GSTA2: variants seen among roughly 807,000 people sequenced by gnomAD.
GSTA2 encodes the protein glutathione S-transferase alpha 2.
Under a neutral mutation model 22.4 loss-of-function variants are expected in GSTA2, and 27 were observed. The ratio of observed to expected loss-of-function variants is 1.21; its 90% CI spans 0.89 to 1.67. The LOEUF (loss-of-function observed/expected upper bound fraction) is 1.67. GSTA2 is among the 40% of genes most tolerant of loss of function. GSTA2 has a pLI of 0.00. For synonymous variants in GSTA2, 121 were observed against 86.8 expected, an observed-to-expected ratio of 1.39 and a Z score of -2.19; for missense variants, 302 against 260.2, an observed-to-expected ratio of 1.16 and a Z score of -1.11.
intron 6 of GSTA2, among the ~76,000 whole-genome samples, chr6:52,750,984 GA>G (rs1762725540): frequency 6.6e-6 from 1 of 152,134 alleles, no homozygotes; most frequent in Admixed American, 6.5e-5. Context: ...TATAAGACAA[GA>G]AAAACTAATG....
Position 52,756,386 on chromosome 6 carries a change from G to T in GSTA2, c.88-77C>A. 4 of 1,133,664 alleles carry T rather than the reference G, an allele frequency of 3.5e-6. No individual in the cohort carries two copies. The South Asian group carries it at 3.7e-5, about 11-fold the overall frequency. The allele number at this position is 1,133,664 out of a possible 1,614,324, so 70.2% of individuals were successfully genotyped here. ...CTGTGAAATTGAATGGCCTCTATCT[G>T]GTGCATCATTTGGAGAATATAAGAT... On this transcript the variant is annotated intron_variant, in intron 2 of 6. Coordinates refer to ENST00000493422, the MANE Select transcript of GSTA2 (RefSeq NM_000846.5).
chr6:52,756,182 A>C (rs1402185475), intron 3 of GSTA2, 76 bp downstream of exon 3: 1 of 964,686 alleles, frequency 1.0e-6, no homozygotes, highest in African/African-American at 1.6e-5. Context: ...ACCCATAGAC[A>C]TTGCCGGCTG....
intron 5 of GSTA2, among the ~76,000 whole-genome samples, chr6:52,752,597 C>A (rs1362574691): frequency 6.6e-6 from 1 of 152,148 alleles, no homozygotes; most frequent in Non-Finnish European, 1.5e-5. Context: ...CTTATGAACA[C>A]AAAATTCTGT....
In GSTA2 at chr6:52,755,091, A is replaced by C. The variant is rs906400328; in HGVS notation, c.140-16T>G. On this transcript the variant is annotated splice_polypyrimidine_tract_variant and intron_variant, in intron 3 of 6. Transcript: ENST00000493422. Reference sequence around the variant, plus strand: ...AAATATCCATCTTTAAGAGGAAGAAAAAAAAGGAGAGTGAAGTGTCTATGA... The same window carrying C: ...AAATATCCATCTTTAAGAGGAAGAACAAAAAGGAGAGTGAAGTGTCTATGA... The C allele has an allele frequency of 1.2e-6, 2 of 1,614,058 alleles. No individual in the cohort carries two copies. The highest frequency in any genetic ancestry group is 1.7e-6 in the Non-Finnish European group (2 of 1,179,980).
At chr6:52,760,330 C>T (rs1275589943) in intron 1 of GSTA2, among the ~76,000 whole-genome samples, 5 of 152,136 alleles carry the variant, frequency 3.3e-5, no homozygotes, top group Non-Finnish European at 5.9e-5. Context: ...ATATCACTTC[C>T]TCAATGTGAG....
chr6:52,751,487 G>A (rs574177857), intron 6 of GSTA2, 90 bp downstream of exon 6: 1,005 of 1,603,658 alleles, frequency 6.3e-4, no homozygotes, highest in Admixed American at 8.7e-4. Flanking sequence ...GAAGGCTGGG[G>A]TCAAAACATG....
At chr6:52,757,554 C>T (rs959917672) in intron 2 of GSTA2, among the ~76,000 whole-genome samples, 7 of 152,018 alleles carry the variant, frequency 4.6e-5, no homozygotes, top group African/African-American at 1.7e-4. Context: ...AATATTCAAT[C>T]GATATTTGTG....
chr6:52,754,749 A>T (rs73740527), intron 4 of GSTA2, among the ~76,000 whole-genome samples, 194 bp downstream of exon 4: 2,717 of 151,792 alleles, frequency 0.018, 91 homozygotes, highest in African/African-American at 0.061. Flanking sequence ...TTCTAGAATC[A>T]CCCTCGCCTG....
Position 52,751,604 on chromosome 6 carries a change from G to A in GSTA2, c.519C>T (p.Ser173=), listed in dbSNP as rs1393603273. The A allele has an allele frequency of 2.5e-6, 4 of 1,614,108 alleles. No individual in the cohort carries two copies. The highest frequency in any genetic ancestry group is 3.4e-6 in the Non-Finnish European group (4 of 1,179,996). ...TCAGCAGAGGGAAGCTGGAAATAAG[G>A]CTAGAGTCAAGCTCTTCCACGTAGT... ...LLYYVEELDS[S]LISSFPLLKA... The change falls in exon 6 of 7, where the codon AGC becomes AGT. Residue 173 remains serine, a synonymous_variant. Coordinates refer to ENST00000493422, the MANE Select transcript of GSTA2 (RefSeq NM_000846.5).
At chr6:52,751,393 C>T (rs558005521) in intron 6 of GSTA2, among the ~76,000 whole-genome samples, 184 bp downstream of exon 6, 1 of 152,260 alleles carries the variant, frequency 6.6e-6, no homozygotes, top group South Asian at 2.1e-4. Flanking sequence ...TACAAATTTC[C>T]TTTCCATAAC....
chr6:52,762,537 C>G (rs1326160626), intron 1 of GSTA2, among the ~76,000 whole-genome samples: 1 of 152,184 alleles, frequency 6.6e-6, no homozygotes, highest in Non-Finnish European at 1.5e-5. Context: ...AGTTTGTTCA[C>G]GTTTTCCTGC....
intron 3 of GSTA2, among the ~76,000 whole-genome samples, chr6:52,755,288 C>T (rs1383477120): frequency 6.7e-6 from 1 of 148,492 alleles, no homozygotes; most frequent in Non-Finnish European, 1.5e-5. Flanking sequence ...GATCTTGGCT[C>T]ACTGTAACCT....
intron 1 of GSTA2, among the ~76,000 whole-genome samples, chr6:52,758,544 A>G (rs763670250): frequency 2.0e-5 from 3 of 152,200 alleles, no homozygotes; most frequent in African/African-American, 4.8e-5. Flanking sequence ...TGAACTGGCC[A>G]TGAAACCAGA....
chr6:52,750,413 TTAAC>T lies in GSTA2; in HGVS notation c.*160_*163del. On this transcript the variant is annotated 3_prime_UTR_variant, in exon 7 of 7. Coordinates refer to ENST00000493422, the MANE Select transcript of GSTA2 (RefSeq NM_000846.5). ...AGATCCTAATGAGAAGAAATCAATT[TTAAC>T]TAAGTGGGTGAATAGGAGTTGTATT... 3.3e-6 allele frequency: 2 copies of T among 603,144 alleles called. No individual in the cohort carries two copies. Among genetic ancestry groups the T allele is most frequent in the Admixed American group, 3.4e-5 (1 of 29,580 alleles). 37.4% of individuals were successfully genotyped at this position (603,144 alleles called of 1,614,324 possible).
chr6:52,763,268 T>A (rs142219800), intron 1 of GSTA2, among the ~76,000 whole-genome samples, 176 bp downstream of exon 1: 3,222 of 152,290 alleles, frequency 0.021, 98 homozygotes, highest in African/African-American at 0.072. Flanking sequence ...TAAAGATGTA[T>A]CCAACAGAAA....
intron 3 of GSTA2, among the ~76,000 whole-genome samples, chr6:52,755,410 C>T (rs1269804900): frequency 2.0e-5 from 3 of 152,090 alleles, no homozygotes; most frequent in African/African-American, 7.2e-5. Flanking sequence ...GATGGTGTCT[C>T]ACCATGTTGG....
intron 1 of GSTA2, among the ~76,000 whole-genome samples, chr6:52,763,206 C>T (rs1762981713): frequency 6.6e-6 from 1 of 152,108 alleles, no homozygotes; most frequent in Non-Finnish European, 1.5e-5. Flanking sequence ...GTTTCCCATA[C>T]CTTTAAATGC....
intron 4 of GSTA2, among the ~76,000 whole-genome samples, chr6:52,754,630 C>G (rs1444543351): frequency 6.6e-6 from 1 of 152,194 alleles, no homozygotes; most frequent in Non-Finnish European, 1.5e-5. Context: ...GGTCCAGCCT[C>G]TGAAGTCCTG....
At chr6:52,752,261 A>T (rs1234743431) in intron 5 of GSTA2, among the ~76,000 whole-genome samples, 1 of 151,904 alleles carries the variant, frequency 6.6e-6, no homozygotes, top group African/African-American at 2.4e-5. Context: ...TACAGCATCG[A>T]CTCTGGTTCC....
Sources: gnomAD v4.1 joint callset for allele counts (sites outside exome capture counted in the v4.1 genomes callset) on GRCh38, gnomAD v4.1.1 for gene constraint, MANE v1.5 for transcripts, NCBI Gene and HGNC (gene_info 2026-07-23, HGNC 2026-07-21) for gene names.